The following STAT5B variants were observed in gnomAD, a reference collection of about 807,000 sequenced individuals.
The protein encoded by STAT5B is transcription factor STAT5B.
In STAT5B, 21 loss-of-function variants were observed where a neutral mutation model predicts 107.8. The ratio of observed to expected loss-of-function variants is 0.19; its 90% CI spans 0.14 to 0.28. The LOEUF (loss-of-function observed/expected upper bound fraction) is 0.28. STAT5B is among the 10% of genes least tolerant of loss of function. STAT5B has a pLI of 1.00. For missense variants in STAT5B, 565 were observed against 1,008.2 expected, an observed-to-expected ratio of 0.56 and a Z score of 5.95; for synonymous variants, 325 against 401.7, an observed-to-expected ratio of 0.81 and a Z score of 2.28.
At chr17:42,223,294 G>A in intron 5 of STAT5B, 88 bp downstream of exon 5, 3 of 1,596,046 alleles carry the variant, frequency 1.9e-6, no homozygotes, top group Non-Finnish European at 1.7e-6. Context: ...CGAATGGAAA[G>A]TGTGCTTTCT....
chr17:42,211,197 AAAAT>A (rs926746159), intron 13 of STAT5B, among the ~76,000 whole-genome samples: 9 of 151,798 alleles, frequency 5.9e-5, no homozygotes, highest in African/African-American at 1.9e-4. Flanking sequence ...CACCATCTCA[AAAAT>A]AAATAAATAA....
chr17:42,230,324 T>C (rs1176570711), intron 2 of STAT5B, among the ~76,000 whole-genome samples: 1 of 152,212 alleles, frequency 6.6e-6, no homozygotes, highest in African/African-American at 2.4e-5. Context: ...AAGCTGGTTC[T>C]CTCAGGGACT....
chr17:42,202,852 C>T lies in STAT5B; in HGVS notation c.2078-44G>A, dbSNP rs770671434. 3.1e-6 allele frequency: 5 copies of T among 1,611,968 alleles called. No homozygotes were observed. The African/African-American group carries it at 6.7e-5, about 22-fold the overall frequency. On this transcript the variant is annotated intron_variant, in intron 16 of 18. Transcript: ENST00000293328. ...AGTAAATCAAAGTTCTCAAGTGAAA[C>T]AAAAATGTGATCTTCCTTATGAATC... is the stretch of plus-strand genomic sequence containing the variant.
At chr17:42,213,155 T>G (rs114953121) in intron 12 of STAT5B, among the ~76,000 whole-genome samples, 1,797 of 152,314 alleles carry the variant, frequency 0.012, 27 homozygotes, top group African/African-American at 0.042. Flanking sequence ...AATGTTCTTA[T>G]GTTATTTGAC....
intron 1 of STAT5B, among the ~76,000 whole-genome samples, chr17:42,235,983 G>C (rs1050311720): frequency 2.6e-5 from 4 of 152,218 alleles, no homozygotes; most frequent in African/African-American, 9.6e-5. Flanking sequence ...ATTAAAAAAT[G>C]TCACTCTATT....
upstream of STAT5B, among the ~76,000 whole-genome samples, chr17:42,277,387 A>G (rs1241675300): frequency 3.3e-5 from 5 of 152,004 alleles, no homozygotes; most frequent in African/African-American, 1.2e-4. Flanking sequence ...TGTATGCAAA[A>G]CGTTCATGTC....
Position 42,210,444 on chromosome 17 carries a change from C to G in STAT5B, c.1734G>C (p.Met578Ile). The stretch of plus-strand genomic sequence containing the variant: ...GCTTGAGATGTTTTTTTAACACTTC[C>G]ATCACACCGTCAAACCATTGCCAGA... ...YTFWQWFDGV[M>I]EVLKKHLKPH... is the part of the protein sequence containing the mutation. The change falls in exon 14 of 19, where the codon ATG (methionine) becomes ATC (isoleucine). Residue 578 changes from methionine (M) to isoleucine (I), a missense_variant. By Grantham distance (10) the Met-to-Ile change is conservative. Transcript: ENST00000293328. 6.2e-7 allele frequency: 1 copy of G among 1,614,156 alleles called. No homozygotes were observed. The highest frequency in any genetic ancestry group is 1.1e-5 in the South Asian group (1 of 91,082).
chr17:42,270,544 TATA>T (rs1318855772), intron 1 of STAT5B: 1 of 152,220 alleles, frequency 6.6e-6, no homozygotes, highest in Admixed American at 6.5e-5. Flanking sequence ...TCTTCTTTAA[TATA>T]ATTTCCACCA....
chr17:42,259,920 G>A (rs1169200835), intron 1 of STAT5B, among the ~76,000 whole-genome samples: 1 of 152,122 alleles, frequency 6.6e-6, no homozygotes, highest in Non-Finnish European at 1.5e-5. Flanking sequence ...TGTTACACAG[G>A]TAAACATGTG....
Position 42,201,485 on chromosome 17 carries a change from C to T in STAT5B, c.*253G>A. The stretch of plus-strand genomic sequence containing the variant: ...GGCCCCTCTGCTACAACTAAACTCT[C>T]AGACAGTGAGAGGGAGAAACACCAT... On this transcript the variant is annotated 3_prime_UTR_variant, in exon 19 of 19. Transcript: ENST00000293328. The T allele has an allele frequency of 1.6e-6, 1 of 620,252 alleles. No homozygotes were observed. Among genetic ancestry groups the T allele is most frequent in the Non-Finnish European group, 2.9e-6 (1 of 342,112 alleles). 38.4% of individuals were successfully genotyped at this position (620,252 alleles called of 1,614,324 possible). A position where few individuals can be genotyped will look rare whatever the true frequency, so the allele number is the denominator to read the frequency against.
At position 42,219,473 on chromosome 17, in the gene STAT5B, G is replaced by A; in HGVS notation, c.682-10C>T. On this transcript the variant is annotated splice_polypyrimidine_tract_variant and intron_variant, in intron 6 of 18. Transcript: ENST00000293328. ...GCTTCTCGGCCAGCTCCTGAGGGAAGGGAGGAGAGCAGCCCCTTCTGGGCT... is the reference window on the plus strand; with the variant it reads ...GCTTCTCGGCCAGCTCCTGAGGGAAAGGAGGAGAGCAGCCCCTTCTGGGCT... 5.1e-6 allele frequency: 7 copies of A among 1,381,904 alleles called. No individual in the cohort carries two copies. The highest frequency in any genetic ancestry group is 6.8e-6 in the Non-Finnish European group (7 of 1,022,266). The allele number at this position is 1,381,904 out of a possible 1,614,324, so 85.6% of individuals were successfully genotyped here. A position where few individuals can be genotyped will look rare whatever the true frequency, so the allele number is the denominator to read the frequency against.
chr17:42,221,512 A>G (rs1401105116), intron 5 of STAT5B, among the ~76,000 whole-genome samples: 2 of 152,208 alleles, frequency 1.3e-5, no homozygotes, highest in East Asian at 1.9e-4. Context: ...TCCAAACCCA[A>G]CCTGAATCCA....
At chr17:42,223,316 C>G (rs894562068) in intron 5 of STAT5B, 66 bp downstream of exon 5, 8 of 1,611,754 alleles carry the variant, frequency 5.0e-6, no homozygotes, top group Non-Finnish European at 6.8e-6. Flanking sequence ...CCAACCCCAC[C>G]AGAGCTGCTT....
At chr17:42,257,682 T>C (rs577368480) in intron 1 of STAT5B, among the ~76,000 whole-genome samples, 118 of 152,276 alleles carry the variant, frequency 7.7e-4, no homozygotes, top group African/African-American at 2.4e-3. Context: ...ACTAAAAATA[T>C]AGAGCATGGA....
At chr17:42,285,557 T>C in the STAT5B span, among the ~76,000 whole-genome samples, 359 of 152,354 alleles carry the variant, frequency 2.4e-3, no homozygotes, top group African/African-American at 8.3e-3. Context: ...CCCCATCCCG[T>C]GGCCTCAGTT....
At chr17:42,269,054 C>T in intron 1 of STAT5B, among the ~76,000 whole-genome samples, 1 of 152,034 alleles carries the variant, frequency 6.6e-6, no homozygotes, top group Non-Finnish European at 1.5e-5. Context: ...TTGCCACCAG[C>T]TATAGGCTCT....
intron 12 of STAT5B, 97 bp downstream of exon 12, chr17:42,215,917 C>T (rs1013459646): frequency 8.2e-5 from 112 of 1,364,566 alleles, no homozygotes; most frequent in Middle Eastern, 1.8e-4. Context: ...TCACTGCACC[C>T]GGCCTTTTCC....
At chr17:42,274,281 C>T (rs1246351315) in intron 1 of STAT5B, among the ~76,000 whole-genome samples, 1 of 62,530 alleles carries the variant, frequency 1.6e-5, no homozygotes, top group African/African-American at 5.1e-5. Flanking sequence ...GTTTGCTTTA[C>T]AAAAAAAAAA....
At chr17:42,230,154 C>T (rs1357093304) in intron 2 of STAT5B, among the ~76,000 whole-genome samples, 1 of 152,112 alleles carries the variant, frequency 6.6e-6, no homozygotes, top group East Asian at 1.9e-4. Flanking sequence ...TTTTCCCTCA[C>T]TTAATTACAT....
Sources: gnomAD v4.1 joint callset for allele counts (sites outside exome capture counted in the v4.1 genomes callset) on GRCh38, gnomAD v4.1.1 for gene constraint, MANE v1.5 for transcripts, NCBI Gene and HGNC (gene_info 2026-07-23, HGNC 2026-07-21) for gene names.